Variants in SLC4A7 observed in about 807,000 individuals in gnomAD.
SLC4A7 encodes the protein sodium bicarbonate cotransporter 3.
Under a neutral mutation model 137.6 loss-of-function variants are expected in SLC4A7, and 51 were observed. The observed-to-expected ratio is 0.37, with a 90% CI of 0.30 to 0.47. The LOEUF (loss-of-function observed/expected upper bound fraction) is 0.47, where lower values mean the gene tolerates loss of function less well. SLC4A7 is among the 20% of genes least tolerant of loss of function. The pLI, the probability that SLC4A7 is intolerant of heterozygous loss-of-function variation, is 1.00. For synonymous variants in SLC4A7, 542 were observed against 518.6 expected, an observed-to-expected ratio of 1.05 and a Z score of -0.61; for missense variants, 1,247 against 1,525.4, an observed-to-expected ratio of 0.82 and a Z score of 3.04.
chr3:27,414,196 C>T (rs1189288026), intron 11 of SLC4A7, among the ~76,000 whole-genome samples: 1 of 152,160 alleles, frequency 6.6e-6, no homozygotes, highest in Non-Finnish European at 1.5e-5. Context: ...AGGAGAATCA[C>T]CTGAACCCGG....
At chr3:27,402,690 C>G (rs2052898351) in intron 15 of SLC4A7, among the ~76,000 whole-genome samples, 1 of 99,922 alleles carries the variant, frequency 1.0e-5, no homozygotes, top group South Asian at 3.9e-4. Context: ...CAGAGAGAGA[C>G]TCCGTCTCCA....
intron 9 of SLC4A7, among the ~76,000 whole-genome samples, chr3:27,421,286 G>C (rs1329475170): frequency 1.3e-5 from 2 of 151,882 alleles, no homozygotes; most frequent in Non-Finnish European, 2.9e-5. Context: ...GATCACTTAA[G>C]TAGGAGTTCG....
intron 3 of SLC4A7, among the ~76,000 whole-genome samples, chr3:27,444,477 G>A (rs374267440): frequency 1.1e-4 from 17 of 152,178 alleles, no homozygotes; most frequent in East Asian, 5.8e-4. Flanking sequence ...AATTACTGAT[G>A]CTCCCTTCAT....
At chr3:27,405,046 G>A (rs2150170716) in intron 13 of SLC4A7, 83 bp from the exon 14 acceptor site, 1 of 936,444 alleles carries the variant, frequency 1.1e-6, no homozygotes, top group East Asian at 2.9e-5. Flanking sequence ...AAGACATCTG[G>A]AAAATAAAAA....
At chr3:27,448,343 C>T (rs1454053234) in intron 3 of SLC4A7, among the ~76,000 whole-genome samples, 2 of 151,720 alleles carry the variant, frequency 1.3e-5, no homozygotes, top group African/African-American at 4.8e-5. Flanking sequence ...TGAAACACTA[C>T]TAAATTTGAG....
intron 13 of SLC4A7, among the ~76,000 whole-genome samples, chr3:27,408,848 A>C (rs138030547): frequency 6.6e-6 from 1 of 152,264 alleles, no homozygotes; most frequent in African/African-American, 2.4e-5. Flanking sequence ...ACTTAATAAC[A>C]GCAAAATTAA....
Position 27,472,748 on chromosome 3 carries a change from A to G in SLC4A7, c.60+11319T>C, listed in dbSNP as rs142076833. On this transcript the variant is annotated intron_variant, in intron 1 of 25. Coordinates refer to ENST00000454389, the MANE Select transcript of SLC4A7 (RefSeq NM_001321103.2). ...ATTTCTAATCAATGAAACAATTTCT[A>G]TTTGTATCTTACCTCTATCAAAATT... 2.6e-5 allele frequency among the ~76,000 whole-genome samples: 4 copies of G among 152,314 alleles called. No homozygotes were observed. In the East Asian group the frequency reaches 7.7e-4, roughly 29 times the overall value.
intron 6 of SLC4A7, among the ~76,000 whole-genome samples, chr3:27,432,912 C>T (rs2150380261): frequency 6.6e-6 from 1 of 152,224 alleles, no homozygotes; most frequent in Non-Finnish European, 1.5e-5. Context: ...TATACATTGG[C>T]TTGTTTTTAC....
At chr3:27,467,338 C>T (rs1037687021) in intron 1 of SLC4A7, among the ~76,000 whole-genome samples, 20 of 152,246 alleles carry the variant, frequency 1.3e-4, no homozygotes, top group Middle Eastern at 3.4e-3. Flanking sequence ...TATAATTTTA[C>T]TTATATGCCT....
chr3:27,397,829 CAG>C lies in SLC4A7; in HGVS notation c.2590-34_2590-33del. 2.5e-6 allele frequency: 3 copies of C among 1,190,350 alleles called. No individual in the cohort carries two copies. In the South Asian group the frequency reaches 4.0e-5, roughly 16 times the overall value. The allele number at this position is 1,190,350 out of a possible 1,614,324, so 73.7% of individuals were successfully genotyped here. On this transcript the variant is annotated intron_variant, in intron 17 of 25. Coordinates refer to ENST00000454389, the MANE Select transcript of SLC4A7 (RefSeq NM_001321103.2). ...TAAAGGGATTATGTTAATATAAACA[CAG>C]AAATACTATGTGTTCTTTCTAAATA... is the stretch of plus-strand genomic sequence containing the variant.
chr3:27,451,303 T>G (rs1227413327), intron 2 of SLC4A7, among the ~76,000 whole-genome samples: 2 of 152,104 alleles, frequency 1.3e-5, no homozygotes, highest in African/African-American at 4.8e-5. Context: ...CTTAAGGATG[T>G]AGTTCCTATA....
chr3:27,402,077 C>G (rs1371477704), intron 15 of SLC4A7, among the ~76,000 whole-genome samples: 1 of 152,138 alleles, frequency 6.6e-6, no homozygotes, highest in African/African-American at 2.4e-5. Context: ...GTACATGTAT[C>G]TGGGGCTTAG....
chr3:27,459,399 CATT>C (rs1444618647), intron 1 of SLC4A7, among the ~76,000 whole-genome samples: 3 of 147,240 alleles, frequency 2.0e-5, no homozygotes, highest in Non-Finnish European at 4.6e-5. Flanking sequence ...TAGTTTAATA[CATT>C]ATTTGATAAA....
At chr3:27,424,931 G>T (rs1300823775) in intron 7 of SLC4A7, among the ~76,000 whole-genome samples, 1 of 152,058 alleles carries the variant, frequency 6.6e-6, no homozygotes, top group Non-Finnish European at 1.5e-5. Flanking sequence ...GGATTTCAAA[G>T]GACAGACACA....
In SLC4A7 at chr3:27,397,677, T is replaced by A; in HGVS notation, c.2703+7A>T. 7.0e-7 allele frequency: 1 copy of A among 1,438,364 alleles called. No individual in the cohort carries two copies. The highest frequency in any genetic ancestry group is 2.3e-5 in the East Asian group (1 of 43,826). 89.1% of individuals were successfully genotyped at this position (1,438,364 alleles called of 1,614,324 possible). A position where few individuals can be genotyped will look rare whatever the true frequency, so the allele number is the denominator to read the frequency against. On this transcript the variant is annotated splice_region_variant and intron_variant, in intron 18 of 25. Transcript: ENST00000454389. ...AGTAACAAATAGCCACTTGTTTTAATCCTTACCTCAAATTTTTCAGGAACA... is the reference window on the plus strand; with the variant it reads ...AGTAACAAATAGCCACTTGTTTTAAACCTTACCTCAAATTTTTCAGGAACA...
intron 22 of SLC4A7, among the ~76,000 whole-genome samples, 178 bp from the exon 23 acceptor site, chr3:27,386,201 T>TAA (rs34806095): frequency 2.1e-5 from 3 of 141,424 alleles, no homozygotes. Context: ...TACTTTGTGC[T>TAA]AAAAAAAAAA....
At chr3:27,471,468 A>G (rs659874) in intron 1 of SLC4A7, among the ~76,000 whole-genome samples, 141,543 of 152,244 alleles carry the variant, frequency 0.93, 65,900 homozygotes, top group East Asian at 1. Context: ...GCAATGGGGC[A>G]ATCTCAGTTC....
intron 3 of SLC4A7, among the ~76,000 whole-genome samples, chr3:27,444,056 T>C (rs2057414650): frequency 6.6e-6 from 1 of 152,180 alleles, no homozygotes; most frequent in Non-Finnish European, 1.5e-5. Context: ...TGTCCTTGGG[T>C]GAAGTGTTTT....
At chr3:27,466,794 T>C (rs1417116698) in intron 1 of SLC4A7, among the ~76,000 whole-genome samples, 1 of 151,730 alleles carries the variant, frequency 6.6e-6, no homozygotes, top group African/African-American at 2.4e-5. Context: ...GAGGCAGCAG[T>C]TTCAGAGAGC....
Sources: allele counts gnomAD v4.1 joint callset (sites outside exome capture counted in the v4.1 genomes callset), GRCh38; gene constraint gnomAD v4.1.1; transcripts MANE v1.5; gene names NCBI Gene and HGNC (gene_info 2026-07-23, HGNC 2026-07-21).